SCAF8: variants seen among roughly 807,000 people sequenced by gnomAD.
SCAF8 encodes the protein SR-related and CTD-associated factor 8.
Under a neutral mutation model 140.5 loss-of-function variants are expected in SCAF8, and 23 were observed. That is an observed-to-expected ratio of 0.16 (90% CI 0.12 to 0.23). SCAF8 has a LOEUF of 0.23. Among genes scored for constraint, SCAF8 ranks in the 10% least tolerant of loss-of-function variants. The probability of loss-of-function intolerance (pLI) is 1.00; values close to 1 mark genes in which losing one functional copy is unlikely to be tolerated. For synonymous variants in SCAF8, 575 were observed against 528.9 expected (o/e 1.09, Z -1.20); for missense variants, 1,397 against 1,555.7 (o/e 0.90, Z 1.72).
intron 1 of SCAF8, among the ~76,000 whole-genome samples, chr6:154,759,176 C>A (rs1020348110): frequency 6.6e-6 from 1 of 152,174 alleles, no homozygotes; most frequent in African/African-American, 2.4e-5. Flanking sequence ...TTTGAGTTGT[C>A]ATCAGTGCGA....
intron 1 of SCAF8, among the ~76,000 whole-genome samples, chr6:154,760,483 A>T (rs748980081): frequency 6.6e-6 from 1 of 152,018 alleles, no homozygotes; most frequent in Non-Finnish European, 1.5e-5. Flanking sequence ...ACTTTTTTTT[A>T]AAAAAGGGTT....
intron 6 of SCAF8, among the ~76,000 whole-genome samples, chr6:154,795,457 A>AG (rs931664599): frequency 1.3e-5 from 2 of 152,214 alleles, no homozygotes; most frequent in African/African-American, 4.8e-5. Flanking sequence ...TCCTATCTTA[A>AG]GGGGGACAGA....
chr6:154,767,882 A>C (rs933662955), intron 1 of SCAF8, among the ~76,000 whole-genome samples: 7 of 152,030 alleles, frequency 4.6e-5, no homozygotes, highest in African/African-American at 1.7e-4. Context: ...CTTCTTTCTA[A>C]AATGATAAGT....
chr6:154,786,730 G>C (rs910889314), intron 3 of SCAF8, among the ~76,000 whole-genome samples: 2 of 152,214 alleles, frequency 1.3e-5, no homozygotes, highest in African/African-American at 4.8e-5. Context: ...CAATTAGAGA[G>C]TCTTAGGAAT....
At position 154,792,816 on chromosome 6, in the gene SCAF8, T is replaced by C; in HGVS notation, c.322-7T>C. 1.9e-6 allele frequency: 3 copies of C among 1,580,542 alleles called. No individual in the cohort carries two copies. The South Asian group carries it at 3.5e-5, about 18-fold the overall frequency. On this transcript the variant is annotated splice_region_variant and splice_polypyrimidine_tract_variant and intron_variant, in intron 4 of 19. Transcript: ENST00000367178. Reference sequence around the variant, plus strand: ...AACCAAAATGTCATGTTTCTTTTTTTCTCTAGAGTAAAATAGTGAGAGTAC... The same window carrying C: ...AACCAAAATGTCATGTTTCTTTTTTCCTCTAGAGTAAAATAGTGAGAGTAC...
intron 4 of SCAF8, among the ~76,000 whole-genome samples, chr6:154,791,882 CTCTT>C (rs1314964270): frequency 3.3e-5 from 5 of 151,952 alleles, no homozygotes; most frequent in Non-Finnish European, 7.4e-5. Context: ...AATGTTGAGA[CTCTT>C]TATGAGGAAT....
At chr6:154,793,824 A>AAT (rs1205990902) in intron 5 of SCAF8, among the ~76,000 whole-genome samples, 1 of 151,572 alleles carries the variant, frequency 6.6e-6, no homozygotes, top group Non-Finnish European at 1.5e-5. Context: ...TCAAAAAAAA[A>AAT]AAAAAAAAAA....
At position 154,832,233 on chromosome 6, in the gene SCAF8, T is replaced by C. The variant is rs1778766310; in HGVS notation, c.2654T>C (p.Val885Ala). The C allele has an allele frequency of 1.9e-6, 3 of 1,613,814 alleles. No homozygotes were observed. The highest frequency in any genetic ancestry group is 2.7e-5 in the African/African-American group (2 of 74,830). The change falls in exon 20 of 20, where the codon GTA becomes GCA. Residue 885 changes from valine (V) to alanine (A), a missense_variant. Physicochemically the swap from Val to Ala is moderately conservative, Grantham distance 64. Coordinates refer to ENST00000367178, the MANE Select transcript of SCAF8 (RefSeq NM_014892.5). ...CCTAACAATTCTGGACTTGTAGGAG[T>C]ACAGCCACCAAATGTTCCAAATACT... ...NIPNNSGLVG[V>A]QPPNVPNTPG...
At chr6:154,805,620 G>T in intron 9 of SCAF8, 134 bp downstream of exon 9, 1 of 426,040 alleles carries the variant, frequency 2.3e-6, no homozygotes. Flanking sequence ...GCTTTTACCA[G>T]CTACTTTATT....
intron 1 of SCAF8, among the ~76,000 whole-genome samples, chr6:154,771,573 T>C (rs918508591): frequency 1.3e-5 from 2 of 152,142 alleles, no homozygotes; most frequent in East Asian, 3.8e-4. Flanking sequence ...TAGGAGTGGG[T>C]GAGTGTCAGT....
At chr6:154,806,939 T>C (rs1777934838) in intron 9 of SCAF8, among the ~76,000 whole-genome samples, 1 of 152,192 alleles carries the variant, frequency 6.6e-6, no homozygotes, top group African/African-American at 2.4e-5. Flanking sequence ...TCGTCAGTGA[T>C]GTAATAATAC....
At chr6:154,793,905 G>GTGTGCGTGTGTA (rs1554261640) in intron 5 of SCAF8, among the ~76,000 whole-genome samples, 2 of 149,334 alleles carry the variant, frequency 1.3e-5, no homozygotes, top group African/African-American at 5.0e-5. Flanking sequence ...TGTATTTTGT[G>GTGTGCGTGTGTA]TGTGTGTGTG....
At chr6:154,821,461 A>G (rs1017332504) in intron 15 of SCAF8, among the ~76,000 whole-genome samples, 1 of 152,154 alleles carries the variant, frequency 6.6e-6, no homozygotes, top group African/African-American at 2.4e-5. Context: ...TTATCTGTGA[A>G]AAAAACAGAT....
intron 1 of SCAF8, among the ~76,000 whole-genome samples, chr6:154,741,400 A>G (rs544278693): frequency 8.7e-4 from 132 of 151,962 alleles, no homozygotes; most frequent in African/African-American, 3.1e-3. Flanking sequence ...GTCATATTCT[A>G]TGATCATTTG....
chr6:154,746,617 A>T (rs1010928209), intron 1 of SCAF8, among the ~76,000 whole-genome samples: 2 of 152,238 alleles, frequency 1.3e-5, no homozygotes, highest in Non-Finnish European at 2.9e-5. Flanking sequence ...CCTGAAATAC[A>T]TAGAAAGTAG....
chr6:154,751,324 G>A (rs1389139228), intron 1 of SCAF8, among the ~76,000 whole-genome samples: 1 of 151,820 alleles, frequency 6.6e-6, no homozygotes, highest in Non-Finnish European at 1.5e-5. Context: ...CGCCTCCCAA[G>A]TTCAAGTGAT....
chr6:154,817,382 C>T (rs1325830530), intron 13 of SCAF8, among the ~76,000 whole-genome samples: 1 of 152,170 alleles, frequency 6.6e-6, no homozygotes, highest in Non-Finnish European at 1.5e-5. Context: ...TTATCCCTCT[C>T]CTTTATTGTA....
chr6:154,770,540 C>T (rs553236860), intron 1 of SCAF8, among the ~76,000 whole-genome samples: 2 of 151,916 alleles, frequency 1.3e-5, no homozygotes, highest in Admixed American at 1.3e-4. Flanking sequence ...CACTGTACCA[C>T]TCCAGCCTGG....
At chr6:154,793,832 A>G (rs1030211110) in intron 5 of SCAF8, among the ~76,000 whole-genome samples, 1 of 151,592 alleles carries the variant, frequency 6.6e-6, no homozygotes, top group African/African-American at 2.4e-5. Context: ...AAAAAAAAAA[A>G]AAAAAAATTT....
Sources: gnomAD v4.1 joint callset for allele counts (sites outside exome capture counted in the v4.1 genomes callset) on GRCh38, gnomAD v4.1.1 for gene constraint, MANE v1.5 for transcripts, NCBI Gene and HGNC (gene_info 2026-07-23, HGNC 2026-07-21) for gene names.